CSGALNACT1: variants seen among roughly 807,000 people sequenced by gnomAD.
CSGALNACT1 encodes the protein chondroitin sulfate N-acetylgalactosaminyltransferase 1, also known as beta4GalNAcT-1.
A neutral mutation model predicts 51.0 loss-of-function variants in CSGALNACT1; 52 were observed. The ratio of observed to expected loss-of-function variants is 1.02; its 90% confidence interval spans 0.82 to 1.29. CSGALNACT1 has a LOEUF of 1.29. Ranked by LOEUF, CSGALNACT1 falls within the 50% of genes most tolerant of loss-of-function variation. CSGALNACT1 has a pLI of 0.00. For synonymous variants in CSGALNACT1, 341 were observed against 254.4 expected (o/e 1.34, Z -3.24); for missense variants, 935 against 679.2 (o/e 1.38, Z -4.19).
At chr8:19,589,375 G>T (rs2047327106) in intron 3 of CSGALNACT1, among the ~76,000 whole-genome samples, 1 of 152,152 alleles carries the variant, frequency 6.6e-6, no homozygotes, top group Non-Finnish European at 1.5e-5. Context: ...ACCCAGGCTG[G>T]AGTGCACTGG....
chr8:19,744,945 C>G (rs759712459), intron 1 of CSGALNACT1, among the ~76,000 whole-genome samples: 5 of 152,132 alleles, frequency 3.3e-5, no homozygotes, highest in African/African-American at 4.8e-5. Context: ...GGTCCAAATA[C>G]AATGTAAACA....
upstream of CSGALNACT1, among the ~76,000 whole-genome samples, chr8:19,603,544 A>C (rs898048771): frequency 6.6e-6 from 1 of 152,226 alleles, no homozygotes; most frequent in African/African-American, 2.4e-5. Flanking sequence ...TAAGTGGAAT[A>C]ATCACTTGGA....
chr8:19,717,738 G>C (rs1464209553), intron 1 of CSGALNACT1, among the ~76,000 whole-genome samples: 1 of 152,136 alleles, frequency 6.6e-6, no homozygotes, highest in Non-Finnish European at 1.5e-5. Context: ...TGAACCCATA[G>C]CTTTTTTCTG....
intron 2 of CSGALNACT1, among the ~76,000 whole-genome samples, chr8:19,600,849 C>G (rs2050261209): frequency 6.7e-6 from 1 of 148,412 alleles, no homozygotes; most frequent in African/African-American, 2.5e-5. Context: ...AAAAGCAAAA[C>G]CATCAAGCAA....
chr8:19,418,788 G>A (rs751243403), intron 7 of CSGALNACT1, 38 bp from the exon 7 acceptor site: 18 of 1,381,342 alleles, frequency 1.3e-5, no homozygotes, highest in Non-Finnish European at 1.7e-5. Flanking sequence ...TAAAGTGACA[G>A]ATCCAAGTAG....
At chr8:19,520,843 T>G (rs1370105570) in intron 3 of CSGALNACT1, among the ~76,000 whole-genome samples, 1 of 152,202 alleles carries the variant, frequency 6.6e-6, no homozygotes, top group East Asian at 1.9e-4. Context: ...GACAAGGACG[T>G]TGAGACAGAG....
chr8:19,549,656 C>CTTTTTTTTTT (rs542956513), intron 3 of CSGALNACT1, among the ~76,000 whole-genome samples: 2 of 83,468 alleles, frequency 2.4e-5, no homozygotes, highest in African/African-American at 9.2e-5. Context: ...CAATTTCCTA[C>CTTTTTTTTTT]TTTTTTTTTT....
chr8:19,643,356 A>G (rs940004494), intron 1 of CSGALNACT1, among the ~76,000 whole-genome samples: 3 of 152,132 alleles, frequency 2.0e-5, no homozygotes, highest in African/African-American at 7.2e-5. Context: ...GGGAGCTTTC[A>G]CCAGGCACAG....
intron 3 of CSGALNACT1, chr8:19,587,972 C>T (rs563344642): frequency 1.3e-4 from 20 of 152,166 alleles, no homozygotes; most frequent in Non-Finnish European, 2.5e-4. Flanking sequence ...GGGCAGATCA[C>T]CTGAGCTCAG....
At position 19,599,482 on chromosome 8, in the gene CSGALNACT1, AAGAAAG is replaced by A. The variant is rs1480285529; in HGVS notation, c.-416+2283_-416+2288del. On this transcript the variant is annotated intron_variant, in intron 2 of 9. Transcript: ENST00000454498. ...AGAAAGAAAGAAAGAAAAAGAAAGA[AAGAAAG>A]AAAGAAAGAAAGAAAGAAAGAAAGA... 3.5e-3 allele frequency among the ~76,000 whole-genome samples: 273 copies of A among 78,980 alleles called. 2 individuals are homozygous for A. The highest frequency in any genetic ancestry group is 0.013 in the African/African-American group (242 of 18,098). The allele number at this position is 78,980 out of a possible 152,430, so 51.8% of individuals were successfully genotyped here. A position where few individuals can be genotyped will look rare whatever the true frequency, so the allele number is the denominator to read the frequency against.
At chr8:19,659,893 G>C (rs1168878446) in intron 1 of CSGALNACT1, among the ~76,000 whole-genome samples, 2 of 152,212 alleles carry the variant, frequency 1.3e-5, no homozygotes, top group Non-Finnish European at 2.9e-5. Flanking sequence ...CTTGCCTGAA[G>C]AGATGGCAGC....
At chr8:19,621,737 C>T (rs983350096) in intron 1 of CSGALNACT1, among the ~76,000 whole-genome samples, 1 of 152,004 alleles carries the variant, frequency 6.6e-6, no homozygotes, top group South Asian at 2.1e-4. Flanking sequence ...GCCATGATCA[C>T]ACCACAGCAC....
chr8:19,676,856 G>A (rs994865730), intron 1 of CSGALNACT1, among the ~76,000 whole-genome samples: 1 of 152,150 alleles, frequency 6.6e-6, no homozygotes, highest in African/African-American at 2.4e-5. Flanking sequence ...AGAAAATCAA[G>A]AAGAAAGGAG....
chr8:19,641,389 A>C (rs775328533), intron 1 of CSGALNACT1, among the ~76,000 whole-genome samples: 5 of 152,000 alleles, frequency 3.3e-5, no homozygotes, highest in Non-Finnish European at 7.4e-5. Flanking sequence ...ATGCCTCCTA[A>C]AAGAGGCTGC....
At chr8:19,641,770 T>C (rs1486267079) in intron 1 of CSGALNACT1, 1 of 152,190 alleles carries the variant, frequency 6.6e-6, no homozygotes, top group Non-Finnish European at 1.5e-5. Flanking sequence ...GAAAGCAAAG[T>C]GATGGCTCAT....
At chr8:19,662,073 CA>C (rs1403807058) in intron 1 of CSGALNACT1, among the ~76,000 whole-genome samples, 673 of 43,814 alleles carry the variant, frequency 0.015, 10 homozygotes, top group Middle Eastern at 0.027. Flanking sequence ...CACCCCCCCC[CA>C]CCCCCCCCCC....
chr8:19,463,211 T>A (rs774023496), intron 4 of CSGALNACT1, among the ~76,000 whole-genome samples: 1 of 152,206 alleles, frequency 6.6e-6, no homozygotes, highest in Non-Finnish European at 1.5e-5. Context: ...ATTTTCTTTA[T>A]CCAGTCCACT....
Position 19,481,206 on chromosome 8 carries a change from C to G in CSGALNACT1, c.635-22564G>C, listed in dbSNP as rs142434855. 2.3e-3 allele frequency among the ~76,000 whole-genome samples: 345 copies of G among 152,236 alleles called. 4 individuals are homozygous for G. Among genetic ancestry groups the G allele is most frequent in the African/African-American group, 7.7e-3 (321 of 41,542 alleles). On this transcript the variant is annotated intron_variant, in intron 4 of 9. Coordinates refer to ENST00000454498, the Ensembl canonical transcript of CSGALNACT1. ...TTTCTAACTTTATTTTGCCACCGTGCCAGTCTTCTCATTTCCTGAATGCCT... is the reference window on the plus strand; with the variant it reads ...TTTCTAACTTTATTTTGCCACCGTGGCAGTCTTCTCATTTCCTGAATGCCT...
intron 1 of CSGALNACT1, among the ~76,000 whole-genome samples, chr8:19,612,746 C>G (rs2052443833): frequency 6.6e-6 from 1 of 151,856 alleles, no homozygotes; most frequent in African/African-American, 2.4e-5. Context: ...CCGTGTATTT[C>G]TAATTCTTAT....
Sources: gnomAD v4.1 joint callset for allele counts (sites outside exome capture counted in the v4.1 genomes callset) on GRCh38, gnomAD v4.1.1 for gene constraint, MANE v1.5 for transcripts, NCBI Gene and HGNC (gene_info 2026-07-23, HGNC 2026-07-21) for gene names.